SIAH3: variants seen among roughly 807,000 people sequenced by gnomAD.
The protein encoded by SIAH3 is seven in absentia homolog 3.
In SIAH3, 9 loss-of-function variants were observed where a neutral mutation model predicts 12.6. The ratio of observed to expected loss-of-function variants is 0.72; its 90% CI spans 0.43 to 1.25. SIAH3 has a LOEUF of 1.25. Among genes scored for constraint, SIAH3 ranks in the 50% most tolerant of loss-of-function variants. The pLI, the probability that SIAH3 is intolerant of heterozygous loss-of-function variation, is 0.00. For missense variants in SIAH3, 390 were observed against 365.4 expected, an observed-to-expected ratio of 1.07 and a Z score of -0.55; for synonymous variants, 154 against 151.1, an observed-to-expected ratio of 1.02 and a Z score of -0.14.
chr13:45,845,062 A>G (rs1950753783), intron 1 of SIAH3, among the ~76,000 whole-genome samples: 1 of 152,212 alleles, frequency 6.6e-6, no homozygotes. Context: ...TTAATCATGT[A>G]CTACTTCTGC....
intron 1 of SIAH3, among the ~76,000 whole-genome samples, chr13:45,808,152 C>T (rs1950604139): frequency 6.6e-6 from 1 of 152,080 alleles, no homozygotes; most frequent in African/African-American, 2.4e-5. Context: ...TGCTATAAAT[C>T]AGGGCTTGAT....
chr13:45,831,235 A>T (rs2137576794), intron 1 of SIAH3, among the ~76,000 whole-genome samples: 1 of 152,060 alleles, frequency 6.6e-6, no homozygotes, highest in South Asian at 2.1e-4. Flanking sequence ...AAATAAAAAA[A>T]TGAATCGTCT....
rs751404984 is a variant in SIAH3, at chr13:45,783,746, G to T, written c.447C>A (p.His149Gln). 12 of 1,614,186 alleles carry T rather than the reference G, an allele frequency of 7.4e-6. No homozygotes were observed. Among genetic ancestry groups the T allele is most frequent in the Non-Finnish European group, 7.6e-6 (9 of 1,180,000 alleles). The stretch of plus-strand genomic sequence containing the variant: ...TGATCCAATCAGCCGGCGCGGGGAG[G>T]TGCATGTCCGTGGCCAGGAAGACGA... Reference protein sequence around the residue: ...AEIVFLATDMHLPAPADWIIM... With the variant: ...AEIVFLATDMQLPAPADWIIM... Residue 149 changes from histidine (H) to glutamine (Q), a missense_variant, in exon 2 of 2, where the codon CAC becomes CAA. Transcript: ENST00000400405.
At chr13:45,807,589 C>T (rs4941532) in intron 1 of SIAH3, among the ~76,000 whole-genome samples, 65,804 of 151,964 alleles carry the variant, frequency 0.43, 15,477 homozygotes, top group East Asian at 0.94. Flanking sequence ...ATCTGTATTC[C>T]CCATTCGTCT....
At chr13:45,846,123 C>G (rs1408442539) in intron 1 of SIAH3, among the ~76,000 whole-genome samples, 1 of 102,448 alleles carries the variant, frequency 9.8e-6, no homozygotes, top group East Asian at 3.0e-4. Context: ...GAGTTTCGCT[C>G]TTGTTGCCCA....
At chr13:45,820,916 C>A (rs1188796438) in intron 1 of SIAH3, among the ~76,000 whole-genome samples, 2 of 152,184 alleles carry the variant, frequency 1.3e-5, no homozygotes, top group African/African-American at 4.8e-5. Context: ...CCAGGAATTT[C>A]CCCACCTCCG....
chr13:45,812,391 G>T (rs1217876817), intron 1 of SIAH3, among the ~76,000 whole-genome samples: 2 of 152,220 alleles, frequency 1.3e-5, no homozygotes, highest in Non-Finnish European at 2.9e-5. Context: ...GCCAGCAGAG[G>T]CTGGGATGTG....
rs1950510198 is a variant in SIAH3, at chr13:45,782,863, G to C, written c.*520C>G. On this transcript the variant is annotated 3_prime_UTR_variant, in exon 2 of 2. Coordinates refer to ENST00000400405, the MANE Select transcript of SIAH3 (RefSeq NM_198849.3). ...GCTCAGCTTTGACCTTGAGGTTCCTGGGAAGCTGTCAGAGTCATGTCTGGA... is the reference window on the plus strand; with the variant it reads ...GCTCAGCTTTGACCTTGAGGTTCCTCGGAAGCTGTCAGAGTCATGTCTGGA... 6.6e-6 allele frequency: 1 copy of C among 152,482 alleles called. No individual in the cohort carries two copies. 9.4% of individuals were successfully genotyped at this position (152,482 alleles called of 1,614,324 possible). A position where few individuals can be genotyped will look rare whatever the true frequency, so the allele number is the denominator to read the frequency against.
chr13:45,850,272 G>A (rs777737073), intron 1 of SIAH3, among the ~76,000 whole-genome samples: 22 of 152,166 alleles, frequency 1.4e-4, no homozygotes, highest in Non-Finnish European at 2.8e-4. Context: ...ACTTCTAGGA[G>A]TGGGGGCACC....
chr13:45,783,159 A>T lies in SIAH3; in HGVS notation c.*224T>A, dbSNP rs911828721. On this transcript the variant is annotated 3_prime_UTR_variant, in exon 2 of 2. Transcript: ENST00000400405. ...ACAACACCAACAAGGCAGGACAAAC[A>T]TCACACCAAGATCTTAAATTACAGG... 1 of 318,866 alleles carries T rather than the reference A, an allele frequency of 3.1e-6. No homozygotes were observed. Among genetic ancestry groups the T allele is most frequent in the Non-Finnish European group, 5.6e-6 (1 of 178,902 alleles). 19.8% of individuals were successfully genotyped at this position (318,866 alleles called of 1,614,324 possible). A position where few individuals can be genotyped will look rare whatever the true frequency, so the allele number is the denominator to read the frequency against.
intron 1 of SIAH3, among the ~76,000 whole-genome samples, chr13:45,797,762 G>A (rs192565474): frequency 1.3e-3 from 200 of 152,306 alleles, no homozygotes; most frequent in African/African-American, 4.3e-3. Context: ...AGACCCACTC[G>A]TCCTTGCCCA....
intron 1 of SIAH3, among the ~76,000 whole-genome samples, chr13:45,825,450 C>T (rs952206338): frequency 1.3e-5 from 2 of 152,154 alleles, no homozygotes; most frequent in Non-Finnish European, 1.5e-5. Flanking sequence ...CCCCAGAAAA[C>T]GGATTTCCCC....
rs1054094920 is a variant in SIAH3 at position 45,851,713 on chromosome 13, A to C, written c.-84T>G. 138 of 1,567,470 alleles carry C rather than the reference A, an allele frequency of 8.8e-5. No homozygotes were observed. Among genetic ancestry groups the C allele is most frequent in the Non-Finnish European group, 1.1e-4 (125 of 1,145,792 alleles). On this transcript the variant is annotated 5_prime_UTR_variant, in exon 1 of 2. Transcript: ENST00000400405. Reference sequence around the variant, plus strand: ...GGCCCTGGAAGGAGCGCAGCCTCTGAGACACTCCGCTCCAGCCCGGCTTAG... The same window carrying C: ...GGCCCTGGAAGGAGCGCAGCCTCTGCGACACTCCGCTCCAGCCCGGCTTAG...
chr13:45,789,419 T>C (rs1027551007), intron 1 of SIAH3, among the ~76,000 whole-genome samples: 2 of 142,224 alleles, frequency 1.4e-5, no homozygotes, highest in Non-Finnish European at 3.1e-5. Context: ...TATCTATCTA[T>C]ATGTTGAGAC....
chr13:45,785,112 C>T (rs1275988448), intron 1 of SIAH3, among the ~76,000 whole-genome samples: 1 of 152,190 alleles, frequency 6.6e-6, no homozygotes, highest in Admixed American at 6.5e-5. Flanking sequence ...CATCTTCACG[C>T]CCCCTGACTC....
At chr13:45,819,060 C>A (rs1028492671) in intron 1 of SIAH3, among the ~76,000 whole-genome samples, 4 of 152,090 alleles carry the variant, frequency 2.6e-5, no homozygotes, top group Admixed American at 2.6e-4. Flanking sequence ...TGACCCAGAG[C>A]CACGAAAAGG....
chr13:45,838,741 A>G (rs1950728135), intron 1 of SIAH3, among the ~76,000 whole-genome samples: 1 of 151,958 alleles, frequency 6.6e-6, no homozygotes, highest in Non-Finnish European at 1.5e-5. Flanking sequence ...CTGTTTAATG[A>G]GGTGACTCTG....
chr13:45,842,445 G>C (rs975851082), intron 1 of SIAH3, among the ~76,000 whole-genome samples: 1 of 152,140 alleles, frequency 6.6e-6, no homozygotes, highest in African/African-American at 2.4e-5. Flanking sequence ...CTGGGCTCAA[G>C]CGATCATCCC....
chr13:45,811,367 C>A (rs1198062027), intron 1 of SIAH3, among the ~76,000 whole-genome samples: 1 of 152,174 alleles, frequency 6.6e-6, no homozygotes, highest in Non-Finnish European at 1.5e-5. Context: ...TTCAGGCTAA[C>A]TAGACTTTGA....
Sources: allele counts gnomAD v4.1 joint callset (sites outside exome capture counted in the v4.1 genomes callset), GRCh38; gene constraint gnomAD v4.1.1; transcripts MANE v1.5; gene names NCBI Gene and HGNC (gene_info 2026-07-23, HGNC 2026-07-21).